ZNF778: variants seen among roughly 807,000 people sequenced by gnomAD.
ZNF778 encodes the protein zinc finger protein 778.
ZNF778 carries 37 observed loss-of-function variants against 23.9 expected under a neutral mutation model. The observed-to-expected ratio is 1.54, with a 90% CI of 1.19 to 2.03. The LOEUF (loss-of-function observed/expected upper bound fraction) is 2.03, where lower values mean the gene tolerates loss of function less well. Among genes scored for constraint, ZNF778 ranks in the 30% most tolerant of loss-of-function variants. The pLI is 0.00. For synonymous variants in ZNF778, 483 were observed against 343.9 expected (o/e 1.40, Z -4.48); for missense variants, 1,297 against 934.4 (o/e 1.39, Z -5.06).
In ZNF778 at chr16:89,228,680, A is replaced by G. The variant is rs536145952; in HGVS notation, c.*118A>G. 7.3e-4 allele frequency: 1,083 copies of G among 1,485,242 alleles called. No homozygotes were observed. Among genetic ancestry groups the G allele is most frequent in the Admixed American group, 2.0e-3 (77 of 38,094 alleles). 92.0% of individuals were successfully genotyped at this position (1,485,242 alleles called of 1,614,324 possible). The stretch of plus-strand genomic sequence containing the variant: ...GTGGCTAGGCAATCAGCATCTCATC[A>G]CAACCCGGCAGGCAGGAACTCACCC... On this transcript the variant is annotated 3_prime_UTR_variant, in exon 7 of 7. Coordinates refer to ENST00000433976, the MANE Select transcript of ZNF778 (RefSeq NM_001201407.2).
At position 89,225,360 on chromosome 16, in the gene ZNF778, C is replaced by A. The variant is rs527239816; in HGVS notation, c.329-195C>A. Among the ~76,000 whole-genome samples, 100 of 152,152 alleles carry A rather than the reference C, an allele frequency of 6.6e-4. 1 individual carries two copies. Among genetic ancestry groups the A allele is most frequent in the Non-Finnish European group, 9.6e-4 (65 of 68,012 alleles). ...TTGATAATATTGTTTCTGTTCACCT[C>A]ACATTTCTTCTTTATGGACCAAATG... On this transcript the variant is annotated intron_variant, in intron 5 of 6. Transcript: ENST00000433976.
At chr16:89,222,030 A>C (rs992394975) in intron 2 of ZNF778, 62 bp from the exon 3 acceptor site, 1 of 1,234,112 alleles carries the variant, frequency 8.1e-7, no homozygotes, top group Non-Finnish European at 1.2e-6. Context: ...TTCCGGGTCC[A>C]TGAGTGTGGA....
At chr16:89,223,379 C>G (rs2031158414) in intron 4 of ZNF778, 96 bp downstream of exon 4, 1 of 1,539,566 alleles carries the variant, frequency 6.5e-7, no homozygotes, top group Non-Finnish European at 8.9e-7. Flanking sequence ...CCGAGTACCA[C>G]GGGAAGTAAG....
At position 89,232,284 on chromosome 16, in the gene ZNF778, C is replaced by T. The variant is rs964472358; in HGVS notation, c.*3722C>T. ...TCGGGTTTGGCTCACTGCCCTTGAC[C>T]TTCTCTGCCCTGTTTGACACAGCAA... On this transcript the variant is annotated 3_prime_UTR_variant, in exon 7 of 7. Transcript: ENST00000433976. 7 of 195,850 alleles carry T rather than the reference C, an allele frequency of 3.6e-5. No individual in the cohort carries two copies. The highest frequency in any genetic ancestry group is 2.3e-3 in the Middle Eastern group (1 of 438). 12.1% of individuals were successfully genotyped at this position (195,850 alleles called of 1,614,324 possible).
At chr16:89,223,346 T>C in intron 4 of ZNF778, 63 bp downstream of exon 4, 2 of 1,600,824 alleles carry the variant, frequency 1.2e-6, no homozygotes, top group Non-Finnish European at 1.7e-6. Context: ...CCTTACTGTG[T>C]TCCAGGGTTG....
chr16:89,223,174 C>T lies in ZNF778; in HGVS notation c.135C>T (p.Asp45=), dbSNP rs113075149. The change falls in exon 4 of 7, where the codon GAC becomes GAT. Residue 45 remains aspartate, a synonymous_variant. Transcript: ENST00000433976. Reference sequence around the variant, plus strand: ...TGATTTAGGACGCGGTGACCTTTGACGACGTGGCTGTGGACTTCACCCAGG... The same window carrying T: ...TGATTTAGGACGCGGTGACCTTTGATGACGTGGCTGTGGACTTCACCCAGG... ...INCYQDAVTF[D]DVAVDFTQEE... is the part of the protein sequence containing the mutation. 66 of 1,613,526 alleles carry T rather than the reference C, an allele frequency of 4.1e-5. 2 individuals are homozygous for T. Among genetic ancestry groups the T allele is most frequent in the African/African-American group, 4.0e-4 (30 of 74,882 alleles).
At chr16:89,221,376 G>A (rs1452723788) in intron 2 of ZNF778, among the ~76,000 whole-genome samples, 1 of 152,188 alleles carries the variant, frequency 6.6e-6, no homozygotes, top group Non-Finnish European at 1.5e-5. Context: ...ACGGGCAAAT[G>A]AAGAGTCACG....
intron 4 of ZNF778, 33 bp from the exon 5 acceptor site, chr16:89,224,686 C>A: frequency 1.3e-6 from 2 of 1,482,638 alleles, no homozygotes; most frequent in African/African-American, 2.8e-5. Flanking sequence ...CTGCCTGAGC[C>A]TCTTCCATCG....
chr16:89,223,973 C>A (rs1454963944), intron 4 of ZNF778, among the ~76,000 whole-genome samples: 1 of 149,864 alleles, frequency 6.7e-6, no homozygotes, highest in African/African-American at 2.5e-5. Flanking sequence ...GCTGTAATCC[C>A]AGCACTCTGG....
At position 89,217,804 on chromosome 16, in the gene ZNF778, G is replaced by GCGCC. The variant is rs1353006957; in HGVS notation, c.-229_-226dup. The GCGCC allele has an allele frequency of 2.6e-5, 4 of 152,224 alleles. No individual in the cohort carries two copies. The highest frequency in any genetic ancestry group is 2.9e-5 in the Non-Finnish European group (2 of 68,034). The allele number at this position is 152,224 out of a possible 1,614,324, so 9.4% of individuals were successfully genotyped here. On this transcript the variant is annotated 5_prime_UTR_variant, in exon 1 of 7. Coordinates refer to ENST00000433976, the MANE Select transcript of ZNF778 (RefSeq NM_001201407.2). ...CGCGGGGAAGCTGGTCCGGGAGTGG[G>GCGCC]CGCCCGCCCGCCTGCCTCGCGCCTT... is the stretch of plus-strand genomic sequence containing the variant.
At position 89,228,267 on chromosome 16, in the gene ZNF778, T is replaced by C; in HGVS notation, c.1979T>C (p.Leu660Pro). 6.2e-7 allele frequency: 1 copy of C among 1,605,582 alleles called. No individual in the cohort carries two copies. Among genetic ancestry groups the C allele is most frequent in the Non-Finnish European group, 8.5e-7 (1 of 1,173,216 alleles). ...CGKAFASSSH[L>P]IEHRRTHTGE... ...AAAGCCTTTGCTTCCTCCTCACACC[T>C]TATCGAACACAGAAGGACTCACACA... The change falls in exon 7 of 7, where the codon CTT becomes CCT. Residue 660 changes from leucine (L) to proline (P), a missense_variant. Transcript: ENST00000433976.
chr16:89,230,154 G>A lies in ZNF778; in HGVS notation c.*1592G>A. 1 of 611,640 alleles carries A rather than the reference G, an allele frequency of 1.6e-6. No individual in the cohort carries two copies. The highest frequency in any genetic ancestry group is 2.0e-6 in the Non-Finnish European group (1 of 489,738). 37.9% of individuals were successfully genotyped at this position (611,640 alleles called of 1,614,324 possible). A position where few individuals can be genotyped will look rare whatever the true frequency, so the allele number is the denominator to read the frequency against. On this transcript the variant is annotated 3_prime_UTR_variant, in exon 7 of 7. Transcript: ENST00000433976. ...GGCATAACACAGCTCTACATTTTAT[G>A]AAAATGCCCTTGTTCCTCTCCCATA...
chr16:89,218,363 AATT>A lies in ZNF778; in HGVS notation c.-132+460_-132+462del, dbSNP rs1387416117. 2.0e-5 allele frequency: 3 copies of A among 152,224 alleles called. No homozygotes were observed. The East Asian group carries it at 5.8e-4, about 29-fold the overall frequency. 9.4% of individuals were successfully genotyped at this position (152,224 alleles called of 1,614,324 possible). A position where few individuals can be genotyped will look rare whatever the true frequency, so the allele number is the denominator to read the frequency against. Reference sequence around the variant, plus strand: ...CCCCCAATAAATAAACCTTACGGTGAATTATTATTTGAGTGTAAGTAAGTTGAA... The same window carrying A: ...CCCCCAATAAATAAACCTTACGGTGAATTATTTGAGTGTAAGTAAGTTGAA... On this transcript the variant is annotated intron_variant, in intron 1 of 6. Transcript: ENST00000433976.
intron 4 of ZNF778, among the ~76,000 whole-genome samples, chr16:89,224,191 C>T (rs1402091091): frequency 6.6e-6 from 1 of 152,096 alleles, no homozygotes. Context: ...GGGCTGTAAT[C>T]CCAGCACTCT....
At chr16:89,226,663 C>T in intron 6 of ZNF778, 31 bp from the exon 7 acceptor site, 1 of 1,573,834 alleles carries the variant, frequency 6.4e-7, no homozygotes, top group East Asian at 2.3e-5. Flanking sequence ...CCTCAGTAAC[C>T]CCCTGACCAC....
At position 89,227,609 on chromosome 16, in the gene ZNF778, C is replaced by T. The variant is rs756825808; in HGVS notation, c.1321C>T (p.Arg441Ter). 2.5e-5 allele frequency: 40 copies of T among 1,614,012 alleles called. No homozygotes were observed. Among genetic ancestry groups the T allele is most frequent in the South Asian group, 3.3e-5 (3 of 91,072 alleles). Residue 441 changes from arginine (R) to a stop codon, truncating the protein, a stop_gained, in exon 7 of 7, where the codon CGA becomes TGA. Coordinates refer to ENST00000433976, the MANE Select transcript of ZNF778 (RefSeq NM_001201407.2). LOFTEE classifies it low-confidence loss of function (END_TRUNC). ...TVRCGLTRHV[R>*]THTGEKPYTC... The stretch of plus-strand genomic sequence containing the variant: ...GCGCTGTGGCCTTACTAGACACGTA[C>T]GAACACACACGGGCGAGAAGCCATA...
Position 89,228,341 on chromosome 16 carries a change from T to C in ZNF778, c.2053T>C (p.Ser685Pro). ...CGAGTGTGGGAAAGCCTTCCGTGCCTCCTCTCACCTGCATAAACATGGAAG... is the reference window on the plus strand; with the variant it reads ...CGAGTGTGGGAAAGCCTTCCGTGCCCCCTCTCACCTGCATAAACATGGAAG... ...CNECGKAFRA[S>P]SHLHKHGRIH... is the part of the protein sequence containing the mutation. Residue 685 changes from serine (S) to proline (P), a missense_variant, in exon 7 of 7, where the codon TCC (serine) becomes CCC (proline). By Grantham distance (74) the Ser-to-Pro change is moderately conservative. Transcript: ENST00000433976. 1 of 1,613,602 alleles carries C rather than the reference T, an allele frequency of 6.2e-7. No homozygotes were observed. The highest frequency in any genetic ancestry group is 8.5e-7 in the Non-Finnish European group (1 of 1,179,660).
chr16:89,219,456 A>C (rs1159107383), intron 1 of ZNF778, among the ~76,000 whole-genome samples: 2 of 152,258 alleles, frequency 1.3e-5, no homozygotes, highest in Non-Finnish European at 2.9e-5. Flanking sequence ...GGCTGAGTTC[A>C]GCCTTAGTCA....
rs2031762315 is a variant in ZNF778, at chr16:89,229,161, T to G, written c.*599T>G. The G allele has an allele frequency of 1.0e-6, 1 of 985,942 alleles. No homozygotes were observed. The highest frequency in any genetic ancestry group is 1.2e-6 in the Non-Finnish European group (1 of 830,442). The allele number at this position is 985,942 out of a possible 1,614,324, so 61.1% of individuals were successfully genotyped here. A position where few individuals can be genotyped will look rare whatever the true frequency, so the allele number is the denominator to read the frequency against. On this transcript the variant is annotated 3_prime_UTR_variant, in exon 7 of 7. Transcript: ENST00000433976. ...TTGCTACAGTGTCCACGTCGCAGCC[T>G]GGCTAACAGTAGGCCTTGAGGACTC...
Sources: allele counts gnomAD v4.1 joint callset (sites outside exome capture counted in the v4.1 genomes callset), GRCh38; gene constraint gnomAD v4.1.1; transcripts MANE v1.5; gene names NCBI Gene and HGNC (gene_info 2026-07-23, HGNC 2026-07-21).